The following RHOD variants were observed in gnomAD, a reference collection of about 807,000 sequenced individuals.
RHOD encodes rho-related GTP-binding protein RhoD.
Under a neutral mutation model 16.7 loss-of-function variants are expected in RHOD, and 11 were observed. The observed-to-expected ratio is 0.66, with a 90% CI of 0.41 to 1.09. The LOEUF (loss-of-function observed/expected upper bound fraction) is 1.09, where lower values mean the gene tolerates loss of function less well. RHOD is among the 50% of genes least tolerant of loss of function. The pLI is 0.00. For synonymous variants in RHOD, 124 were observed against 126.3 expected (o/e 0.98, Z 0.12); for missense variants, 271 against 291.7 (o/e 0.93, Z 0.52).
At chr11:67,057,139 G>A (rs955262093) in intron 1 of RHOD, 105 bp downstream of exon 1, 16 of 1,291,394 alleles carry the variant, frequency 1.2e-5, no homozygotes, top group Non-Finnish European at 1.4e-5. Context: ...GCCTCCGAGG[G>A]GTGTCCCAGC....
intron 2 of RHOD, 75 bp downstream of exon 2, chr11:67,066,058 C>A: frequency 1.6e-6 from 2 of 1,225,442 alleles, no homozygotes; most frequent in Non-Finnish European, 2.3e-6. Context: ...TTCCGCTCTG[C>A]TTCCTTCTGA....
intron 1 of RHOD, among the ~76,000 whole-genome samples, chr11:67,062,039 C>A (rs1375609780): frequency 1.3e-5 from 2 of 152,030 alleles, no homozygotes; most frequent in African/African-American, 4.8e-5. Context: ...AAACCGCCTT[C>A]ATGATTCAAT....
At chr11:67,063,508 T>TTA (rs770375650) in intron 1 of RHOD, among the ~76,000 whole-genome samples, 8 of 131,602 alleles carry the variant, frequency 6.1e-5, no homozygotes, top group South Asian at 2.4e-4. Context: ...TTTTTTTTTT[T>TTA]AAAAAAAGGC....
chr11:67,066,368 C>T (rs932769594), intron 2 of RHOD, among the ~76,000 whole-genome samples: 1 of 152,254 alleles, frequency 6.6e-6, no homozygotes, highest in African/African-American at 2.4e-5. Flanking sequence ...GGCCTCCCAG[C>T]AGCCCTCTTA....
chr11:67,057,944 G>T (rs1854835370), intron 1 of RHOD, among the ~76,000 whole-genome samples: 1 of 152,230 alleles, frequency 6.6e-6, no homozygotes, highest in African/African-American at 2.4e-5. Context: ...CCGCCTCTCA[G>T]CCCTGTTGTC....
chr11:67,066,580 G>A (rs1202823124), intron 2 of RHOD, among the ~76,000 whole-genome samples, 158 bp from the exon 3 acceptor site: 1 of 152,260 alleles, frequency 6.6e-6, no homozygotes, highest in East Asian at 1.9e-4. Context: ...CTCACATGGA[G>A]TAGCCACCTC....
At chr11:67,066,102 TGTGGGCCAGGAGTGGG>T in intron 2 of RHOD, 119 bp downstream of exon 2, 1 of 823,538 alleles carries the variant, frequency 1.2e-6, no homozygotes, top group South Asian at 1.7e-5. Context: ...AAGGGACAGG[TGTGGGCCAGGAGTGGG>T]CCCAGGAGTC....
At chr11:67,064,444 G>A (rs927467433) in intron 1 of RHOD, among the ~76,000 whole-genome samples, 2 of 151,788 alleles carry the variant, frequency 1.3e-5, no homozygotes, top group Non-Finnish European at 2.9e-5. Flanking sequence ...AAAAAAAACG[G>A]TAGAGGGGCG....
Position 67,057,045 on chromosome 11 carries a change from C to T in RHOD, c.132+11C>T, listed in dbSNP as rs1854821624. Reference sequence around the variant, plus strand: ...GGGGCCTTCCCCGAGGTGAGTGCCCCGCGCCTCCGCCTCGCCCGGTTCCGC... The same window carrying T: ...GGGGCCTTCCCCGAGGTGAGTGCCCTGCGCCTCCGCCTCGCCCGGTTCCGC... On this transcript the variant is annotated intron_variant, in intron 1 of 4. Transcript: ENST00000308831. 2 of 1,447,324 alleles carry T rather than the reference C, an allele frequency of 1.4e-6. No homozygotes were observed. Among genetic ancestry groups the T allele is most frequent in the African/African-American group, 1.5e-5 (1 of 67,562 alleles). The allele number at this position is 1,447,324 out of a possible 1,614,324, so 89.7% of individuals were successfully genotyped here. A position where few individuals can be genotyped will look rare whatever the true frequency, so the allele number is the denominator to read the frequency against.
chr11:67,063,349 C>G (rs540910810), intron 1 of RHOD, among the ~76,000 whole-genome samples: 6 of 151,572 alleles, frequency 4.0e-5, no homozygotes, highest in Admixed American at 2.6e-4. Context: ...AAAAATTAGC[C>G]AGGCATGGTG....
At chr11:67,061,937 G>A (rs1325521831) in intron 1 of RHOD, among the ~76,000 whole-genome samples, 1 of 151,124 alleles carries the variant, frequency 6.6e-6, no homozygotes, top group South Asian at 2.1e-4. Flanking sequence ...AGGAGGCAGA[G>A]GCTGCAGTGA....
intron 2 of RHOD, 72 bp downstream of exon 2, chr11:67,066,055 C>T: frequency 8.2e-7 from 1 of 1,219,310 alleles, no homozygotes; most frequent in Non-Finnish European, 1.2e-6. Flanking sequence ...AGATTCCGCT[C>T]TGCTTCCTTC....
intron 1 of RHOD, among the ~76,000 whole-genome samples, chr11:67,060,103 C>T (rs541487053): frequency 6.6e-6 from 1 of 152,196 alleles, no homozygotes; most frequent in Non-Finnish European, 1.5e-5. Flanking sequence ...AGCCTAGCAG[C>T]CCCCACACCA....
rs756006002 is a variant in RHOD, at chr11:67,071,411, AGCCCCATCCACCTCTCCCTCTAGG to A, written c.466-20_469del. 6.5e-5 allele frequency: 101 copies of A among 1,562,804 alleles called. 1 individual carries two copies. Among genetic ancestry groups the A allele is most frequent in the Non-Finnish European group, 8.5e-5 (98 of 1,154,564 alleles). ...GCCTGCCCAGTGCCCCCTTCACCGC[AGCCCCATCCACCTCTCCCTCTAGG>A]GCCAGGAGATGGCGAGGTCCGTGGG... On this transcript the variant is annotated splice_acceptor_variant and splice_polypyrimidine_tract_variant and coding_sequence_variant and intron_variant, in exon 5 of 5. Coordinates refer to ENST00000308831, the MANE Select transcript of RHOD (RefSeq NM_014578.4). LOFTEE classifies it high-confidence loss of function.
At chr11:67,059,848 G>A (rs11602157) in intron 1 of RHOD, among the ~76,000 whole-genome samples, 46,920 of 152,152 alleles carry the variant, frequency 0.31, 7,935 homozygotes, top group South Asian at 0.51. Flanking sequence ...CAAGGGGCCA[G>A]CAGCCAGGAG....
intron 1 of RHOD, among the ~76,000 whole-genome samples, chr11:67,065,106 C>T (rs1408951736): frequency 1.3e-5 from 2 of 150,610 alleles, no homozygotes; most frequent in African/African-American, 4.9e-5. Flanking sequence ...GACGGAGTCT[C>T]ACTGTGTCAC....
chr11:67,063,172 G>A (rs1196706839), intron 1 of RHOD, among the ~76,000 whole-genome samples: 1 of 151,316 alleles, frequency 6.6e-6, no homozygotes, highest in East Asian at 2.0e-4. Context: ...GGTGGATCGT[G>A]TGAGTCCAGG....
At chr11:67,062,146 T>C (rs1854900879) in intron 1 of RHOD, among the ~76,000 whole-genome samples, 1 of 152,058 alleles carries the variant, frequency 6.6e-6, no homozygotes, top group African/African-American at 2.4e-5. Context: ...GGCGAAGGTG[T>C]CACCACCTGG....
Position 67,071,864 on chromosome 11 carries a change from G to C in RHOD, c.*262G>C. ...TGCCCGGTCCCGGACCGACATCCTGGAGCCGCCTGTGCAGCCTGATGCCCC... is the reference window on the plus strand; with the variant it reads ...TGCCCGGTCCCGGACCGACATCCTGCAGCCGCCTGTGCAGCCTGATGCCCC... On this transcript the variant is annotated 3_prime_UTR_variant, in exon 5 of 5. Transcript: ENST00000308831. 1 of 418,810 alleles carries C rather than the reference G, an allele frequency of 2.4e-6. No homozygotes were observed. Among genetic ancestry groups the C allele is most frequent in the Non-Finnish European group, 4.2e-6 (1 of 237,464 alleles). 25.9% of individuals were successfully genotyped at this position (418,810 alleles called of 1,614,324 possible). A position where few individuals can be genotyped will look rare whatever the true frequency, so the allele number is the denominator to read the frequency against.
Sources: allele counts gnomAD v4.1 joint callset (sites outside exome capture counted in the v4.1 genomes callset), GRCh38; gene constraint gnomAD v4.1.1; transcripts MANE v1.5; gene names NCBI Gene and HGNC (gene_info 2026-07-23, HGNC 2026-07-21).